Variants in TRIM33 observed in about 807,000 individuals in gnomAD.
TRIM33 encodes tripartite motif containing 33.
TRIM33 carries 20 observed loss-of-function variants against 125.4 expected under a neutral mutation model. The ratio of observed to expected loss-of-function variants is 0.16; its 90% CI spans 0.11 to 0.23. The LOEUF is 0.23. Among genes scored for constraint, TRIM33 ranks in the 10% least tolerant of loss-of-function variants. The pLI, the probability that TRIM33 is intolerant of heterozygous loss-of-function variation, is 1.00. For synonymous variants in TRIM33, 564 were observed against 513.9 expected (o/e 1.10, Z -1.32); for missense variants, 920 against 1,411.4 (o/e 0.65, Z 5.58).
intron 4 of TRIM33, among the ~76,000 whole-genome samples, chr1:114,449,651 AAG>A (rs1649199529): frequency 6.6e-6 from 1 of 151,526 alleles, no homozygotes; most frequent in African/African-American, 2.4e-5. Context: ...ATTGAAGAGT[AAG>A]AGAGTGTGGT....
chr1:114,461,387 G>A (rs1399917639), intron 4 of TRIM33, among the ~76,000 whole-genome samples: 1 of 149,792 alleles, frequency 6.7e-6, no homozygotes, highest in Non-Finnish European at 1.5e-5. Context: ...CAGTTTGCAG[G>A]ACTGAGCCCT....
chr1:114,459,808 G>T (rs1443574667), intron 4 of TRIM33: 1 of 152,164 alleles, frequency 6.6e-6, no homozygotes, highest in African/African-American at 2.4e-5. Context: ...GGAGGACATT[G>T]TTCTGGACTA....
intron 1 of TRIM33, among the ~76,000 whole-genome samples, chr1:114,473,974 C>T (rs1372571251): frequency 6.6e-6 from 1 of 152,168 alleles, no homozygotes; most frequent in Non-Finnish European, 1.5e-5. Context: ...GTGGCGCTCA[C>T]TGCAGCCTCA....
chr1:114,436,823 A>G (rs1239610516), intron 4 of TRIM33, among the ~76,000 whole-genome samples: 7 of 152,210 alleles, frequency 4.6e-5, no homozygotes, highest in Non-Finnish European at 1.0e-4. Context: ...TTCCTTCGTG[A>G]AAGAGCAACA....
chr1:114,427,356 T>C (rs1232490800), intron 7 of TRIM33, 62 bp from the exon 8 acceptor site: 16 of 893,776 alleles, frequency 1.8e-5, no homozygotes. Context: ...AATCATAAGA[T>C]AAAGACATTA....
intron 4 of TRIM33, among the ~76,000 whole-genome samples, chr1:114,460,573 C>CTTTTTTTTTTTTT (rs35612978): frequency 1.6e-5 from 1 of 64,432 alleles, no homozygotes; most frequent in Admixed American, 2.3e-4. Context: ...CCCCCGCCAC[C>CTTTTTTTTTTTTT]TTTTTTTTTT....
Position 114,451,289 on chromosome 1 carries a change from A to C in TRIM33, c.923+11815T>G, listed in dbSNP as rs185350577. Among the ~76,000 whole-genome samples the C allele has an allele frequency of 2.0e-5, 3 of 151,482 alleles. No individual in the cohort carries two copies. In the East Asian group the frequency reaches 5.8e-4, roughly 29 times the overall value. On this transcript the variant is annotated intron_variant, in intron 4 of 19. Coordinates refer to ENST00000358465, the MANE Select transcript of TRIM33 (RefSeq NM_015906.4). ...AGAAATATATTGATTGGCTTCCTTC[A>C]TATCTCCTTTGCATGGCCTTAGATC...
chr1:114,477,991 G>A (rs1218759681), intron 1 of TRIM33, among the ~76,000 whole-genome samples: 2 of 152,100 alleles, frequency 1.3e-5, no homozygotes, highest in Non-Finnish European at 2.9e-5. Flanking sequence ...TTTCAATAAT[G>A]GCACAAGGGA....
In TRIM33 at chr1:114,433,602, A is replaced by C. The variant is rs12132214; in HGVS notation, c.1040+15T>G. The C allele has an allele frequency of 0.12, 172,039 of 1,489,326 alleles. 11,356 individuals carry two copies. Among genetic ancestry groups the C allele is most frequent in the Non-Finnish European group, 0.13 (146,076 of 1,087,126 alleles). 92.3% of individuals were successfully genotyped at this position (1,489,326 alleles called of 1,614,324 possible). ...AGTAATTCTTAAAATTATGGTTTTA[A>C]GGCAACAAACTTACCTATTCTGCAC... On this transcript the variant is annotated intron_variant, in intron 5 of 19. Coordinates refer to ENST00000358465, the MANE Select transcript of TRIM33 (RefSeq NM_015906.4).
chr1:114,424,766 T>C lies in TRIM33; in HGVS notation c.1696-11A>G, dbSNP rs1647443837. 6.8e-7 allele frequency: 1 copy of C among 1,466,080 alleles called. No individual in the cohort carries two copies. Among genetic ancestry groups the C allele is most frequent in the Non-Finnish European group, 9.1e-7 (1 of 1,102,592 alleles). The allele number at this position is 1,466,080 out of a possible 1,614,324, so 90.8% of individuals were successfully genotyped here. A position where few individuals can be genotyped will look rare whatever the true frequency, so the allele number is the denominator to read the frequency against. On this transcript the variant is annotated splice_polypyrimidine_tract_variant and intron_variant, in intron 9 of 19. Transcript: ENST00000358465. ...GATCAATCGAGGAGGCTACAAAAAG[T>C]AGAAATTGCAATTTATGTAATAATT...
At chr1:114,488,015 T>C (rs1470099248) in intron 1 of TRIM33, among the ~76,000 whole-genome samples, 4 of 151,402 alleles carry the variant, frequency 2.6e-5, no homozygotes, top group Admixed American at 2.0e-4. Context: ...TATCTGGTCA[T>C]CTATATAGAC....
intron 1 of TRIM33, among the ~76,000 whole-genome samples, chr1:114,489,934 A>G (rs559020702): frequency 1.4e-4 from 21 of 152,016 alleles, no homozygotes; most frequent in African/African-American, 4.8e-4. Flanking sequence ...AATAGAAGAT[A>G]GCGCTAAATC....
At chr1:114,506,431 A>ATTCATTTC (rs1424660511) in intron 1 of TRIM33, among the ~76,000 whole-genome samples, 1 of 151,910 alleles carries the variant, frequency 6.6e-6, no homozygotes, top group African/African-American at 2.4e-5. Flanking sequence ...CTTAATACCA[A>ATTCATTTC]TTCATTTCTT....
chr1:114,443,072 C>CTT (rs775765622), intron 4 of TRIM33, among the ~76,000 whole-genome samples: 44 of 144,408 alleles, frequency 3.0e-4, no homozygotes, highest in Non-Finnish European at 5.5e-4. Context: ...TCCTCTCTCC[C>CTT]TTTTTTTTTT....
At chr1:114,481,788 C>T (rs1233687108) in intron 1 of TRIM33, among the ~76,000 whole-genome samples, 1 of 151,488 alleles carries the variant, frequency 6.6e-6, no homozygotes, top group South Asian at 2.1e-4. Flanking sequence ...GAGATGGAGT[C>T]TCACTCTATC....
intron 16 of TRIM33, among the ~76,000 whole-genome samples, chr1:114,402,467 G>A (rs908439101): frequency 1.3e-5 from 2 of 152,110 alleles, no homozygotes; most frequent in African/African-American, 4.8e-5. Flanking sequence ...AATACTGGGG[G>A]AGGAATACAG....
chr1:114,491,414 A>G (rs1400589519), intron 1 of TRIM33, among the ~76,000 whole-genome samples: 1 of 152,246 alleles, frequency 6.6e-6, no homozygotes, highest in African/African-American at 2.4e-5. Flanking sequence ...GAAATGCAGG[A>G]TTAGGTTCCT....
Position 114,511,149 on chromosome 1 carries a change from C to A in TRIM33, c.-73G>T. 1 of 1,065,314 alleles carries A rather than the reference C, an allele frequency of 9.4e-7. No individual in the cohort carries two copies. The highest frequency in any genetic ancestry group is 1.1e-6 in the Non-Finnish European group (1 of 883,024). 66.0% of individuals were successfully genotyped at this position (1,065,314 alleles called of 1,614,324 possible). A position where few individuals can be genotyped will look rare whatever the true frequency, so the allele number is the denominator to read the frequency against. ...GCGTCGCCGCCGCCGCCGCCCCCAG[C>A]CCCAGCCGCAGCCGCAGCAAGAGCG... is the stretch of plus-strand genomic sequence containing the variant. On this transcript the variant is annotated 5_prime_UTR_variant, in exon 1 of 20. Transcript: ENST00000358465.
chr1:114,504,165 A>AT (rs550970951), intron 1 of TRIM33, among the ~76,000 whole-genome samples: 2,052 of 149,688 alleles, frequency 0.014, 45 homozygotes, highest in African/African-American at 0.046. Context: ...TTATTTTTTT[A>AT]TTTTTTTTAT....
Sources: gnomAD v4.1 joint callset for allele counts (sites outside exome capture counted in the v4.1 genomes callset) on GRCh38, gnomAD v4.1.1 for gene constraint, MANE v1.5 for transcripts, NCBI Gene and HGNC (gene_info 2026-07-23, HGNC 2026-07-21) for gene names.